EEIG2: variants seen among roughly 807,000 people sequenced by gnomAD.
The protein encoded by EEIG2 is EEIG family member 2.
the EEIG2 span, among the ~76,000 whole-genome samples, chr1:108,611,067 T>C: frequency 6.6e-6 from 1 of 152,250 alleles, no homozygotes; most frequent in Non-Finnish European, 1.5e-5. Context: ...TCAGCTGCTC[T>C]CTGGGTTCTT....
chr1:108,573,927 T>C, the EEIG2 span, among the ~76,000 whole-genome samples: 1 of 152,232 alleles, frequency 6.6e-6, no homozygotes, highest in African/African-American at 2.4e-5. Flanking sequence ...AGAACCCTTT[T>C]GCATTGTTGG....
the EEIG2 span, among the ~76,000 whole-genome samples, chr1:108,619,509 C>T: frequency 6.6e-6 from 1 of 152,210 alleles, no homozygotes; most frequent in Admixed American, 6.5e-5. Flanking sequence ...TGTAAAGTCA[C>T]ATTACTTTAG....
At chr1:108,627,962 TTCAGCGAAC>T in the EEIG2 span, 5 of 532,502 alleles carry the variant, frequency 9.4e-6, no homozygotes, top group African/African-American at 9.4e-5. Flanking sequence ...AATATAATTC[TTCAGCGAAC>T]TAAGGTATTT....
At chr1:108,620,662 GTC>G in the EEIG2 span, among the ~76,000 whole-genome samples, 1 of 152,144 alleles carries the variant, frequency 6.6e-6, no homozygotes, top group African/African-American at 2.4e-5. Context: ...GAATGTTACT[GTC>G]TCTCAATTCT....
chr1:108,601,140 CAG>C, the EEIG2 span, among the ~76,000 whole-genome samples: 42 of 151,396 alleles, frequency 2.8e-4, no homozygotes, highest in Admixed American at 3.3e-4. Context: ...GGGACTCAAA[CAG>C]AGTTTTCTGA....
At chr1:108,579,172 A>AGT in the EEIG2 span, among the ~76,000 whole-genome samples, 1 of 115,574 alleles carries the variant, frequency 8.7e-6, no homozygotes, top group Non-Finnish European at 1.8e-5. Flanking sequence ...AAGACCCATC[A>AGT]GTGTGCTGTA....
At chr1:108,626,387 G>A in the EEIG2 span, 1 of 152,192 alleles carries the variant, frequency 6.6e-6, no homozygotes, top group African/African-American at 2.4e-5. Context: ...AGAAGGCCCG[G>A]GACACAGTAG....
At chr1:108,564,625 T>G in the EEIG2 span, among the ~76,000 whole-genome samples, 2 of 152,162 alleles carry the variant, frequency 1.3e-5, no homozygotes, top group African/African-American at 2.4e-5. Flanking sequence ...TTCCTTACAT[T>G]GTTTTTACCC....
At chr1:108,570,207 T>G in the EEIG2 span, among the ~76,000 whole-genome samples, 2 of 152,166 alleles carry the variant, frequency 1.3e-5, no homozygotes, top group Non-Finnish European at 2.9e-5. Flanking sequence ...CAGGGTTTTT[T>G]TAAAAGTCTA....
At chr1:108,601,833 G>C in the EEIG2 span, among the ~76,000 whole-genome samples, 1 of 152,160 alleles carries the variant, frequency 6.6e-6, no homozygotes, top group Non-Finnish European at 1.5e-5. Context: ...GAAAAAGTTT[G>C]ATAGTGTGCT....
At chr1:108,561,811 C>T in the EEIG2 span, among the ~76,000 whole-genome samples, 3 of 152,178 alleles carry the variant, frequency 2.0e-5, no homozygotes, top group African/African-American at 7.2e-5. Context: ...AAGCCTAAGC[C>T]GATTCGTGAA....
At chr1:108,614,917 T>C in the EEIG2 span, among the ~76,000 whole-genome samples, 1 of 152,228 alleles carries the variant, frequency 6.6e-6, no homozygotes, top group Non-Finnish European at 1.5e-5. Flanking sequence ...ACATCCGTGA[T>C]ATTCAAGAGT....
chr1:108,572,886 T>G, the EEIG2 span, among the ~76,000 whole-genome samples: 98 of 152,356 alleles, frequency 6.4e-4, no homozygotes, highest in African/African-American at 2.2e-3. Context: ...TCATATTGGC[T>G]TCTTTCACTT....
At chr1:108,635,052 A>C in the EEIG2 span, 3 of 1,591,244 alleles carry the variant, frequency 1.9e-6, no homozygotes, top group South Asian at 3.3e-5. Context: ...GTTACTTGGA[A>C]CAGTTTCAAA....
At chr1:108,609,181 A>C in the EEIG2 span, among the ~76,000 whole-genome samples, 1 of 152,242 alleles carries the variant, frequency 6.6e-6, no homozygotes, top group Non-Finnish European at 1.5e-5. Flanking sequence ...GTAGATGGTA[A>C]GCCAATGGGC....
At chr1:108,560,932 C>T in the EEIG2 span, among the ~76,000 whole-genome samples, 3 of 152,148 alleles carry the variant, frequency 2.0e-5, no homozygotes, top group Admixed American at 2.0e-4. Flanking sequence ...TCCAAGAGCC[C>T]AGCTCTGAAC....
chr1:108,560,172 C>G, the EEIG2 span: 249 of 159,052 alleles, frequency 1.6e-3, no homozygotes, highest in African/African-American at 5.9e-3. Flanking sequence ...GCGCTCACCT[C>G]CCCGGGCGAG....
At chr1:108,625,519 G>A in the EEIG2 span, 2 of 152,252 alleles carry the variant, frequency 1.3e-5, no homozygotes, top group African/African-American at 4.8e-5. Flanking sequence ...AAATAATGGT[G>A]ACTCTGAAAT....
chr1:108,576,429 A>C, the EEIG2 span, among the ~76,000 whole-genome samples: 1 of 129,318 alleles, frequency 7.7e-6, no homozygotes, highest in African/African-American at 2.9e-5. Flanking sequence ...TATATCTCCC[A>C]ATGCTATCCC....
Sources: gnomAD v4.1 joint callset for allele counts (sites outside exome capture counted in the v4.1 genomes callset) on GRCh38, gnomAD v4.1.1 for gene constraint, MANE v1.5 for transcripts, NCBI Gene and HGNC (gene_info 2026-07-23, HGNC 2026-07-21) for gene names.